NCKAP5: variants seen among roughly 807,000 people sequenced by gnomAD.
NCKAP5 encodes the protein NCK associated protein 5, also known as nck-associated protein 5.
In NCKAP5, 92 loss-of-function variants were observed where a neutral mutation model predicts 167.0. That is an observed-to-expected ratio of 0.55 (90% CI 0.47 to 0.66). The LOEUF (loss-of-function observed/expected upper bound fraction) is 0.66, where lower values mean the gene tolerates loss of function less well. NCKAP5 is among the 30% of genes least tolerant of loss of function. The pLI is 0.00. For synonymous variants in NCKAP5, 891 were observed against 877.4 expected, an observed-to-expected ratio of 1.02 and a Z score of -0.27; for missense variants, 2,378 against 2,315.0, an observed-to-expected ratio of 1.03 and a Z score of -0.56.
At chr2:133,447,848 C>T (rs1035554522) in intron 3 of NCKAP5, among the ~76,000 whole-genome samples, 4 of 152,036 alleles carry the variant, frequency 2.6e-5, no homozygotes, top group Non-Finnish European at 4.4e-5. Flanking sequence ...CTACCTGTGG[C>T]CTTCATCAGG....
the NCKAP5 span, among the ~76,000 whole-genome samples, chr2:133,650,653 T>C: frequency 6.6e-6 from 1 of 152,062 alleles, no homozygotes; most frequent in Non-Finnish European, 1.5e-5. Flanking sequence ...GGCAGGTGGA[T>C]TGCCTAAGGT....
At chr2:132,857,154 T>C (rs568628262) in intron 11 of NCKAP5, among the ~76,000 whole-genome samples, 1 of 150,288 alleles carries the variant, frequency 6.7e-6, no homozygotes, top group South Asian at 2.1e-4. Flanking sequence ...GATCTTTTTG[T>C]TGGAATCTTC....
chr2:132,757,167 A>G (rs1680621384), intron 16 of NCKAP5, among the ~76,000 whole-genome samples: 1 of 152,342 alleles, frequency 6.6e-6, no homozygotes, highest in African/African-American at 2.4e-5. Context: ...TAAAGAAAAC[A>G]TCATCCTTTT....
At chr2:132,850,985 G>T (rs1689033281) in intron 11 of NCKAP5, among the ~76,000 whole-genome samples, 1 of 152,004 alleles carries the variant, frequency 6.6e-6, no homozygotes, top group East Asian at 1.9e-4. Flanking sequence ...ACTCCTTGCA[G>T]GTGAATGGCC....
intron 3 of NCKAP5, among the ~76,000 whole-genome samples, chr2:133,507,069 C>T (rs1683074663): frequency 6.6e-6 from 1 of 152,166 alleles, no homozygotes; most frequent in African/African-American, 2.4e-5. Flanking sequence ...ACAGTCTAGC[C>T]CGGAGTCTAC....
chr2:133,078,877 T>G (rs1481234812), intron 6 of NCKAP5, among the ~76,000 whole-genome samples: 1 of 152,070 alleles, frequency 6.6e-6, no homozygotes, highest in Non-Finnish European at 1.5e-5. Flanking sequence ...AAATACCCAG[T>G]GCTCATGGAA....
chr2:132,707,075 C>T (rs935006787), intron 19 of NCKAP5, among the ~76,000 whole-genome samples: 4 of 152,198 alleles, frequency 2.6e-5, no homozygotes, highest in Non-Finnish European at 5.9e-5. Flanking sequence ...TGAGCAATCA[C>T]AGTCCCTGGT....
chr2:133,050,643 C>T (rs1217926984), intron 6 of NCKAP5, among the ~76,000 whole-genome samples: 1 of 152,152 alleles, frequency 6.6e-6, no homozygotes, highest in Non-Finnish European at 1.5e-5. Flanking sequence ...ATTATCAATG[C>T]TGCTATTTAT....
rs574280665 is a variant in NCKAP5, at chr2:133,484,411, C to A, written c.69+33047G>T. Among the ~76,000 whole-genome samples the A allele has an allele frequency of 6.6e-5, 10 of 152,310 alleles. No homozygotes were observed. The South Asian group carries it at 2.1e-3, about 32-fold the overall frequency. On this transcript the variant is annotated intron_variant, in intron 3 of 19. Transcript: ENST00000409261. The stretch of plus-strand genomic sequence containing the variant: ...TTCCCTAGAGCCACCTGGTGTTGCT[C>A]ACAAGCCGGCATGTCCTGATTCCCA...
At chr2:132,875,933 T>C (rs890306689) in intron 9 of NCKAP5, among the ~76,000 whole-genome samples, 1 of 151,860 alleles carries the variant, frequency 6.6e-6, no homozygotes. Flanking sequence ...CCAGGGTGTA[T>C]GTGTGTGTGT....
intron 8 of NCKAP5, among the ~76,000 whole-genome samples, chr2:132,952,276 A>G (rs1162030452): frequency 6.6e-6 from 1 of 152,166 alleles, no homozygotes; most frequent in Non-Finnish European, 1.5e-5. Flanking sequence ...TCCTTGATGC[A>G]TTGGCCTTCT....
intron 19 of NCKAP5, among the ~76,000 whole-genome samples, chr2:132,719,294 G>C (rs1689682642): frequency 6.6e-6 from 1 of 152,150 alleles, no homozygotes; most frequent in Admixed American, 6.5e-5. Flanking sequence ...TTTAAAATGT[G>C]TCATTTAAAA....
chr2:133,134,940 A>G (rs1168447780), intron 5 of NCKAP5, among the ~76,000 whole-genome samples: 1 of 152,166 alleles, frequency 6.6e-6, no homozygotes, highest in Non-Finnish European at 1.5e-5. Context: ...GCAGCTATGT[A>G]CCCCCAACAT....
intron 3 of NCKAP5, among the ~76,000 whole-genome samples, chr2:133,325,912 T>C (rs1682404805): frequency 6.6e-6 from 1 of 152,238 alleles, no homozygotes; most frequent in Admixed American, 6.5e-5. Flanking sequence ...GCTTGCAATG[T>C]TTATTTTTGC....
At chr2:132,907,812 C>A (rs1379806336) in intron 8 of NCKAP5, among the ~76,000 whole-genome samples, 1 of 152,052 alleles carries the variant, frequency 6.6e-6, no homozygotes, top group Non-Finnish European at 1.5e-5. Context: ...CGCCCACCAC[C>A]ATGCCCGGCT....
intron 4 of NCKAP5, among the ~76,000 whole-genome samples, chr2:133,296,313 C>T (rs1285604811): frequency 6.6e-6 from 1 of 152,072 alleles, no homozygotes; most frequent in Non-Finnish European, 1.5e-5. Context: ...CCCGACACAA[C>T]CAATCAGCAC....
At chr2:132,907,659 C>T (rs1417781064) in intron 8 of NCKAP5, among the ~76,000 whole-genome samples, 1 of 151,874 alleles carries the variant, frequency 6.6e-6, no homozygotes, top group African/African-American at 2.4e-5. Flanking sequence ...TGTAATCATT[C>T]TTTTTTCTTT....
At chr2:133,080,469 A>G (rs2080764060) in intron 6 of NCKAP5, among the ~76,000 whole-genome samples, 1 of 152,176 alleles carries the variant, frequency 6.6e-6, no homozygotes, top group Non-Finnish European at 1.5e-5. Context: ...TTTTGTAAAT[A>G]AAGTTTAATT....
chr2:132,730,857 G>A (rs534648640), intron 17 of NCKAP5, among the ~76,000 whole-genome samples: 7 of 152,286 alleles, frequency 4.6e-5, no homozygotes, highest in African/African-American at 1.7e-4. Flanking sequence ...CGCAACATTC[G>A]TGGCAATGGG....
Sources: allele counts gnomAD v4.1 joint callset (sites outside exome capture counted in the v4.1 genomes callset), GRCh38; gene constraint gnomAD v4.1.1; transcripts MANE v1.5; gene names NCBI Gene and HGNC (gene_info 2026-07-23, HGNC 2026-07-21).